Variants in GALNT10 observed in about 807,000 individuals in gnomAD.
GALNT10 encodes polypeptide N-acetylgalactosaminyltransferase 10.
A neutral mutation model predicts 75.0 loss-of-function variants in GALNT10; 41 were observed. The observed-to-expected ratio is 0.55, with a 90% CI of 0.43 to 0.71. The LOEUF (loss-of-function observed/expected upper bound fraction) is 0.71. Among genes scored for constraint, GALNT10 ranks in the 30% least tolerant of loss-of-function variants. The probability of loss-of-function intolerance (pLI) is 0.00; values close to 1 mark genes in which losing one functional copy is unlikely to be tolerated. For missense variants in GALNT10, 727 were observed against 818.5 expected (o/e 0.89, Z 1.36); for synonymous variants, 302 against 313.0 (o/e 0.96, Z 0.37).
intron 4 of GALNT10, among the ~76,000 whole-genome samples, chr5:154,373,613 C>T (rs551834772): frequency 6.6e-6 from 1 of 151,986 alleles, no homozygotes; most frequent in African/African-American, 2.4e-5. Flanking sequence ...ATAATTGTTC[C>T]CTATAATTGT....
At chr5:154,405,587 T>C (rs1756262738) in intron 8 of GALNT10, among the ~76,000 whole-genome samples, 9 of 152,046 alleles carry the variant, frequency 5.9e-5, no homozygotes, top group Admixed American at 5.9e-4. Flanking sequence ...ACTGAGACTC[T>C]TCCGGCTACA....
intron 1 of GALNT10, among the ~76,000 whole-genome samples, chr5:154,234,654 G>A (rs183823012): frequency 5.8e-4 from 88 of 152,370 alleles, no homozygotes; most frequent in African/African-American, 1.9e-3. Flanking sequence ...TGAGTCTGGT[G>A]TCAGGATCAG....
chr5:154,322,835 C>G (rs929096820), intron 3 of GALNT10, among the ~76,000 whole-genome samples: 1 of 152,150 alleles, frequency 6.6e-6, no homozygotes, highest in Non-Finnish European at 1.5e-5. Context: ...ATCACACTGC[C>G]CTACAGCTAC....
intron 4 of GALNT10, among the ~76,000 whole-genome samples, chr5:154,371,422 C>T (rs1299986547): frequency 5.9e-5 from 9 of 152,102 alleles, no homozygotes; most frequent in Non-Finnish European, 1.3e-4. Flanking sequence ...CCTTATGCCA[C>T]AGTCCACCCG....
intron 4 of GALNT10, among the ~76,000 whole-genome samples, chr5:154,372,088 G>A (rs1355451158): frequency 6.6e-6 from 1 of 152,172 alleles, no homozygotes; most frequent in East Asian, 1.9e-4. Flanking sequence ...AATGTTTAAA[G>A]TTTAACAAAG....
chr5:154,213,527 G>A (rs564814823), intron 1 of GALNT10, among the ~76,000 whole-genome samples: 1 of 152,326 alleles, frequency 6.6e-6, no homozygotes, highest in Non-Finnish European at 1.5e-5. Context: ...TGAGGGGCAA[G>A]GGACACTGGC....
rs1170804715 is a variant in GALNT10 at position 154,352,028 on chromosome 5, A to T, written c.568+22290A>T. Reference sequence around the variant, plus strand: ...TTAGAGGTGAAAATGAGAATCAGAAAGGCTGTGTGCCGTGTACAGGGATGC... The same window carrying T: ...TTAGAGGTGAAAATGAGAATCAGAATGGCTGTGTGCCGTGTACAGGGATGC... On this transcript the variant is annotated intron_variant, in intron 4 of 11. Coordinates refer to ENST00000297107, the MANE Select transcript of GALNT10 (RefSeq NM_198321.4). The surrounding 1 kb of genome is among the most constrained non-coding windows in gnomAD (Gnocchi z 4.4). 6.6e-6 allele frequency among the ~76,000 whole-genome samples: 1 copy of T among 152,244 alleles called. No individual in the cohort carries two copies. Among genetic ancestry groups the T allele is most frequent in the Non-Finnish European group, 1.5e-5 (1 of 68,042 alleles).
rs1381125923 is a variant in GALNT10 at position 154,352,980 on chromosome 5, C to T, written c.568+23242C>T. 2.0e-5 allele frequency among the ~76,000 whole-genome samples: 3 copies of T among 152,158 alleles called. No homozygotes were observed. The highest frequency in any genetic ancestry group is 4.4e-5 in the Non-Finnish European group (3 of 68,024). On this transcript the variant is annotated intron_variant, in intron 4 of 11. Transcript: ENST00000297107. The surrounding 1 kb of genome is among the most constrained non-coding windows in gnomAD (Gnocchi z 4.4). Reference sequence around the variant, plus strand: ...AGGTGAACTTGGATCCAGGAATCCTCACCAGCTCTGACCTCTTCTCCCCTC... The same window carrying T: ...AGGTGAACTTGGATCCAGGAATCCTTACCAGCTCTGACCTCTTCTCCCCTC...
chr5:154,276,447 G>A (rs181019470), intron 1 of GALNT10, among the ~76,000 whole-genome samples: 36 of 150,322 alleles, frequency 2.4e-4, no homozygotes, highest in African/African-American at 8.5e-4. Context: ...AGCTTTTTGT[G>A]TGTGATTAGG....
At chr5:154,278,070 G>A (rs964419418) in intron 1 of GALNT10, among the ~76,000 whole-genome samples, 5 of 152,224 alleles carry the variant, frequency 3.3e-5, no homozygotes, top group South Asian at 2.1e-4. Context: ...GATGGGTGAC[G>A]GATGCTTCAG....
In GALNT10 at chr5:154,190,924, G is replaced by C; in HGVS notation, c.58G>C (p.Val20Leu). The C allele has an allele frequency of 6.7e-7, 1 of 1,500,704 alleles. No homozygotes were observed. The highest frequency in any genetic ancestry group is 1.2e-5 in the South Asian group (1 of 80,748). 93.0% of individuals were successfully genotyped at this position (1,500,704 alleles called of 1,614,324 possible). A position where few individuals can be genotyped will look rare whatever the true frequency, so the allele number is the denominator to read the frequency against. ...QAVALVLAAL[V>L]LLPNVGLWAL... ...GGTGGCGCTGGTGCTGGCGGCCCTG[G>C]TCCTCCTGCCCAACGTGGGGCTTTG... The change falls in exon 1 of 12, where the codon GTC becomes CTC. Residue 20 changes from valine to leucine, a missense_variant. Transcript: ENST00000297107.
intron 3 of GALNT10, among the ~76,000 whole-genome samples, chr5:154,328,820 G>T (rs1754798615): frequency 6.6e-6 from 1 of 151,970 alleles, no homozygotes; most frequent in African/African-American, 2.4e-5. Flanking sequence ...TATTATGAAG[G>T]ATATTAGAAA....
intron 1 of GALNT10, among the ~76,000 whole-genome samples, chr5:154,208,244 C>A (rs928596286): frequency 2.9e-4 from 44 of 152,160 alleles, no homozygotes; most frequent in African/African-American, 1.1e-3. Flanking sequence ...GACCAGGTGG[C>A]CCATTAGACA....
intron 1 of GALNT10, among the ~76,000 whole-genome samples, chr5:154,246,182 C>T (rs1000220879): frequency 1.3e-5 from 2 of 151,992 alleles, no homozygotes; most frequent in African/African-American, 4.8e-5. Context: ...TGTATATGTG[C>T]CACATTTTCT....
chr5:154,225,738 A>G (rs1000778472), intron 1 of GALNT10, among the ~76,000 whole-genome samples: 1 of 69,134 alleles, frequency 1.4e-5, no homozygotes, highest in Admixed American at 2.9e-4. Context: ...TCGTTCTGCC[A>G]TCTTCTTTTG....
intron 1 of GALNT10, among the ~76,000 whole-genome samples, chr5:154,237,691 A>G (rs991309157): frequency 6.6e-6 from 1 of 152,186 alleles, no homozygotes; most frequent in African/African-American, 2.4e-5. Context: ...GCCCTGGCCA[A>G]GCATTTTTTT....
chr5:154,262,807 C>G (rs1310263981), intron 1 of GALNT10, among the ~76,000 whole-genome samples: 1 of 152,098 alleles, frequency 6.6e-6, no homozygotes, highest in Non-Finnish European at 1.5e-5. Flanking sequence ...AGGAATAAAT[C>G]CCTCTTCTGA....
At chr5:154,200,974 T>TG (rs1554093325) in intron 1 of GALNT10, among the ~76,000 whole-genome samples, 10 of 152,082 alleles carry the variant, frequency 6.6e-5, no homozygotes, top group Admixed American at 6.5e-4. Context: ...AATTTCTGTT[T>TG]TTTTTGTTTT....
At position 154,395,648 on chromosome 5, in the gene GALNT10, G is replaced by A. The variant is rs1756000018; in HGVS notation, c.1057-8456G>A. On this transcript the variant is annotated intron_variant, in intron 7 of 11. Transcript: ENST00000297107. ...CTGTTCTGGAACAAACTCTCTGTGA[G>A]ATCTTGGACTCATCTGCCCTTTCTC... 2.0e-5 allele frequency among the ~76,000 whole-genome samples: 3 copies of A among 152,188 alleles called. No individual in the cohort carries two copies. In the South Asian group the frequency reaches 6.2e-4, roughly 31 times the overall value.
Sources: gnomAD v4.1 joint callset for allele counts (sites outside exome capture counted in the v4.1 genomes callset) on GRCh38, gnomAD v4.1.1 for gene constraint, Gnocchi (gnomAD v3.1) non-coding constraint, MANE v1.5 for transcripts, NCBI Gene and HGNC (gene_info 2026-07-23, HGNC 2026-07-21) for gene names.